Variants in GABRA3 observed in about 807,000 individuals in gnomAD.
GABRA3 encodes gamma-aminobutyric acid type A receptor subunit alpha3.
GABRA3 carries 10 observed loss-of-function variants against 30.1 expected under a neutral mutation model. The observed-to-expected ratio is 0.33, with a 90% CI of 0.20 to 0.56. The LOEUF (loss-of-function observed/expected upper bound fraction) is 0.56. Among genes scored for constraint, GABRA3 ranks in the 20% least tolerant of loss-of-function variants. The pLI, the probability that GABRA3 is intolerant of heterozygous loss-of-function variation, is 0.89. For synonymous variants in GABRA3, 151 were observed against 146.8 expected (o/e 1.03, Z -0.21); for missense variants, 233 against 392.0 (o/e 0.59, Z 3.42).
intron 3 of GABRA3, among the ~76,000 whole-genome samples, chrX:152,293,887 G>A (rs986572220): frequency 9.0e-6 from 1 of 111,502 alleles, no homozygotes; most frequent in African/African-American, 3.3e-5. Context: ...CAGTTATGAA[G>A]CTTAGTTTGG....
At chrX:152,203,540 A>C (rs1164527331) in intron 7 of GABRA3, among the ~76,000 whole-genome samples, 1 of 111,986 alleles carries the variant, frequency 8.9e-6, no homozygotes, top group African/African-American at 3.2e-5. Flanking sequence ...TTGGCTTCAA[A>C]CAGCACGAAT....
chrX:152,447,833 T>C (rs1375772809), intron 1 of GABRA3, among the ~76,000 whole-genome samples: 1 of 111,915 alleles, frequency 8.9e-6, no homozygotes, highest in Non-Finnish European at 1.9e-5. Flanking sequence ...TTAAATTAGA[T>C]GGGCAGGTAG....
chrX:152,237,736 T>G (rs1355718193), intron 5 of GABRA3, among the ~76,000 whole-genome samples: 1 of 105,849 alleles, frequency 9.4e-6, no homozygotes, highest in Non-Finnish European at 1.9e-5. Flanking sequence ...TCCTAGGTAT[T>G]TTATTCTCTT....
At chrX:152,217,062 T>C (rs750115762) in intron 6 of GABRA3, among the ~76,000 whole-genome samples, 4 of 111,645 alleles carry the variant, frequency 3.6e-5, no homozygotes, top group Non-Finnish European at 7.6e-5. Flanking sequence ...TATTGGTTTA[T>C]AACTTAATCA....
At chrX:152,446,775 G>T (rs1247617275) in intron 1 of GABRA3, among the ~76,000 whole-genome samples, 2 of 111,434 alleles carry the variant, frequency 1.8e-5, no homozygotes. Flanking sequence ...CTGTCAAGAT[G>T]GGTTTGCTCA....
intron 5 of GABRA3, among the ~76,000 whole-genome samples, chrX:152,241,564 C>G (rs1415235202): frequency 9.2e-6 from 1 of 109,171 alleles, no homozygotes; most frequent in African/African-American, 3.3e-5. Flanking sequence ...CTTTGTTTAC[C>G]TAAGCAAGCC....
rs187438573 is a variant in GABRA3 at position 152,406,893 on chromosome X, C to T, written c.-26-42297G>A. On this transcript the variant is annotated intron_variant, in intron 1 of 9. Transcript: ENST00000370314. ...TCAAAAAATAAAAAAATTACATAAG[C>T]TATCTTTTTCTTCCATTCACATGGA... is the stretch of plus-strand genomic sequence containing the variant. 4.1e-3 allele frequency among the ~76,000 whole-genome samples: 460 copies of T among 111,771 alleles called. 1 individual carries two copies. Among genetic ancestry groups the T allele is most frequent in the African/African-American group, 0.014 (424 of 30,910 alleles).
chrX:152,435,621 G>A (rs2070494649), intron 1 of GABRA3, among the ~76,000 whole-genome samples: 1 of 110,443 alleles, frequency 9.1e-6, no homozygotes, highest in African/African-American at 3.3e-5. Context: ...GGGAGGGATA[G>A]CATTAGGAGA....
intron 3 of GABRA3, among the ~76,000 whole-genome samples, chrX:152,289,192 T>A (rs1474300347): frequency 9.1e-6 from 1 of 109,402 alleles, no homozygotes; most frequent in Non-Finnish European, 1.9e-5. Context: ...TTTCTGGTTT[T>A]ACCTCAAATA....
intron 3 of GABRA3, among the ~76,000 whole-genome samples, chrX:152,294,482 C>A (rs1156468795): frequency 9.0e-6 from 1 of 111,479 alleles, no homozygotes; most frequent in East Asian, 2.8e-4. Context: ...TCCATCGGGT[C>A]ACTGAAGTTC....
intron 3 of GABRA3, among the ~76,000 whole-genome samples, chrX:152,326,546 T>C (rs936902761): frequency 2.0e-4 from 22 of 111,863 alleles, no homozygotes; most frequent in African/African-American, 7.2e-4. Flanking sequence ...TGGGGGCCGA[T>C]ATTCAACATT....
chrX:152,411,005 T>C (rs1930056546), intron 1 of GABRA3, among the ~76,000 whole-genome samples: 1 of 110,752 alleles, frequency 9.0e-6, no homozygotes, highest in African/African-American at 3.3e-5. Context: ...CAATAAGAAA[T>C]AGAAATTATA....
intron 9 of GABRA3, among the ~76,000 whole-genome samples, chrX:152,181,192 T>G (rs1233517318): frequency 8.9e-6 from 1 of 112,082 alleles, no homozygotes; most frequent in Non-Finnish European, 1.9e-5. Flanking sequence ...TCCATTTATT[T>G]GTGTCTTCAA....
chrX:152,321,245 T>A (rs1005974212), intron 3 of GABRA3, among the ~76,000 whole-genome samples: 7 of 111,752 alleles, frequency 6.3e-5, no homozygotes, highest in Non-Finnish European at 1.3e-4. Flanking sequence ...TTCCCAAACT[T>A]GGCTACATAT....
At chrX:152,413,242 A>T (rs1161775064) in intron 1 of GABRA3, among the ~76,000 whole-genome samples, 1 of 110,822 alleles carries the variant, frequency 9.0e-6, no homozygotes, top group Non-Finnish European at 1.9e-5. Flanking sequence ...TAAAAAAAAA[A>T]TAACTCCAAT....
chrX:152,275,622 G>C (rs1411199621), intron 4 of GABRA3, among the ~76,000 whole-genome samples: 1 of 106,643 alleles, frequency 9.4e-6, no homozygotes, highest in Non-Finnish European at 1.9e-5. Context: ...AGCCAGGTGT[G>C]GTGGCGCGTG....
chrX:152,227,562 A>C (rs755804979), intron 5 of GABRA3, among the ~76,000 whole-genome samples: 68 of 106,606 alleles, frequency 6.4e-4, no homozygotes, highest in African/African-American at 2.1e-3. Flanking sequence ...TATTAAAAAA[A>C]GTTAAATTGT....
At chrX:152,301,705 T>C (rs987911736) in intron 3 of GABRA3, among the ~76,000 whole-genome samples, 9 of 110,760 alleles carry the variant, frequency 8.1e-5, no homozygotes, top group African/African-American at 3.0e-4. Context: ...GGCTAATTTT[T>C]TGCATTTTAG....
At chrX:152,445,904 ATT>A (rs1413134229) in intron 1 of GABRA3, among the ~76,000 whole-genome samples, 3 of 111,757 alleles carry the variant, frequency 2.7e-5, no homozygotes, top group Non-Finnish European at 3.8e-5. Flanking sequence ...AATTCTTCAT[ATT>A]TTTTATCAAG....
Sources: gnomAD v4.1 joint callset for allele counts (sites outside exome capture counted in the v4.1 genomes callset) on GRCh38, gnomAD v4.1.1 for gene constraint, MANE v1.5 for transcripts, NCBI Gene and HGNC (gene_info 2026-07-23, HGNC 2026-07-21) for gene names.